The following POLR1C variants were observed in gnomAD, a reference collection of about 807,000 sequenced individuals.
POLR1C encodes DNA-directed RNA polymerases I and III subunit RPAC1.
Under a neutral mutation model 38.3 loss-of-function variants are expected in POLR1C, and 42 were observed. The ratio of observed to expected loss-of-function variants is 1.10; its 90% confidence interval spans 0.86 to 1.42. The LOEUF is 1.42. Ranked by LOEUF, POLR1C falls within the 40% of genes most tolerant of loss-of-function variation. The probability of loss-of-function intolerance (pLI) is 0.00; values close to 1 mark genes in which losing one functional copy is unlikely to be tolerated. For synonymous variants in POLR1C, 163 were observed against 163.9 expected (o/e 0.99, Z 0.04); for missense variants, 507 against 450.5 (o/e 1.13, Z -1.14).
chr6:43,523,643 C>T, downstream of POLR1C: 1 of 797,676 alleles, frequency 1.3e-6, no homozygotes, highest in East Asian at 2.6e-5. Context: ...CTATCTGGGA[C>T]ATCTAGACAG....
chr6:43,525,628 G>A (rs1793536629), downstream of POLR1C: 2 of 580,474 alleles, frequency 3.4e-6, no homozygotes, highest in East Asian at 5.8e-5. Context: ...CCTACTATGT[G>A]TTTTCCTGAG....
At chr6:43,528,999 T>C in intron 8 of POLR1C, 1 of 1,391,562 alleles carries the variant, frequency 7.2e-7, no homozygotes, top group Non-Finnish European at 9.9e-7. Context: ...GTTGCACCCC[T>C]GGGCAGAATC....
chr6:43,547,683 G>C (rs530127093), intron 9 of POLR1C: 1 of 1,613,958 alleles, frequency 6.2e-7, no homozygotes, highest in African/African-American at 1.3e-5. Context: ...CATACGCAAT[G>C]AAAGCATCAA....
chr6:43,520,360 T>TC lies in POLR1C; in HGVS notation c.588_589insC (p.Ile197HisfsTer13), dbSNP rs1793086564. The TC allele has an allele frequency of 6.2e-7, 1 of 1,613,718 alleles. No individual in the cohort carries two copies. Among genetic ancestry groups the TC allele is most frequent in the Non-Finnish European group, 8.5e-7 (1 of 1,180,040 alleles). Reference sequence around the variant, plus strand: ...GCACTATCCGACCAGTGCATGATGATATCCTCATCGCTCAGCTGCGGCCTG... The same window carrying TC: ...GCACTATCCGACCAGTGCATGATGATCATCCTCATCGCTCAGCTGCGGCCTG... On this transcript the variant is annotated frameshift_variant, in exon 6 of 9. Coordinates refer to ENST00000642195, the MANE Select transcript of POLR1C (RefSeq NM_203290.4). LOFTEE classifies it high-confidence loss of function.
chr6:43,523,641 G>A, downstream of POLR1C: 1 of 789,714 alleles, frequency 1.3e-6, no homozygotes, highest in Non-Finnish European at 2.3e-6. Context: ...AACTATCTGG[G>A]ACATCTAGAC....
rs2231756 is a variant in POLR1C, at chr6:43,517,106, G to A, written c.-4G>A. On this transcript the variant is annotated 5_prime_UTR_variant, in exon 1 of 9. Transcript: ENST00000642195. Reference sequence around the variant, plus strand: ...GAACCTCTAGTCTCGTGGAGAGATTGAAGATGGCGGCTTCTCAGGCGGTGG... The same window carrying A: ...GAACCTCTAGTCTCGTGGAGAGATTAAAGATGGCGGCTTCTCAGGCGGTGG... 5.4e-3 allele frequency: 8,770 copies of A among 1,614,146 alleles called. 31 individuals are homozygous for A. The highest frequency in any genetic ancestry group is 6.6e-3 in the Non-Finnish European group (7,802 of 1,179,962).
chr6:43,517,156 T>TG lies in POLR1C; in HGVS notation c.52dup (p.Glu18GlyfsTer11). The TG allele has an allele frequency of 6.2e-7, 1 of 1,614,066 alleles. No individual in the cohort carries two copies. The highest frequency in any genetic ancestry group is 1.1e-5 in the South Asian group (1 of 91,080). ...GAGGAAATGCGGAGCCGCGTGGTTC[T>TG]GGGGGAGTTTGGGGTTCGCAATGTA... On this transcript the variant is annotated frameshift_variant, in exon 1 of 9. Transcript: ENST00000642195. LOFTEE classifies it high-confidence loss of function.
chr6:43,538,711 C>A, intron 9 of POLR1C: 1 of 474,926 alleles, frequency 2.1e-6, no homozygotes, highest in Non-Finnish European at 3.6e-6. Context: ...CTGTTAATGT[C>A]TGGTTTTGGT....
At chr6:43,529,027 C>T in intron 8 of POLR1C, 3 of 1,205,346 alleles carry the variant, frequency 2.5e-6, no homozygotes, top group African/African-American at 1.5e-5. Context: ...AAAGGATTTG[C>T]CAGATGTCAA....
downstream of POLR1C, chr6:43,524,611 C>T: frequency 1.2e-6 from 2 of 1,613,974 alleles, no homozygotes; most frequent in Non-Finnish European, 1.7e-6. Flanking sequence ...TCCATTACAG[C>T]TCTTATCTCC....
chr6:43,530,604 T>A (rs1342377025), downstream of POLR1C: 7 of 1,489,634 alleles, frequency 4.7e-6, no homozygotes, highest in East Asian at 1.6e-4. Flanking sequence ...GTTCTGCCTC[T>A]TCCCTCTGGT....
intron 10 of POLR1C, chr6:43,560,437 T>A: frequency 8.7e-7 from 1 of 1,149,204 alleles, no homozygotes; most frequent in Non-Finnish European, 1.2e-6. Context: ...TCTACTGCAA[T>A]TTATCAGTAA....
intron 9 of POLR1C, among the ~76,000 whole-genome samples, chr6:43,537,817 A>G (rs1457138001): frequency 1.3e-5 from 2 of 152,184 alleles, no homozygotes; most frequent in Non-Finnish European, 2.9e-5. Context: ...CTGTAATCCC[A>G]GCACTTTGGG....
chr6:43,528,683 A>C, intron 8 of POLR1C: 1 of 740,844 alleles, frequency 1.3e-6, no homozygotes, highest in Admixed American at 2.5e-5. Context: ...TACAGCAAGG[A>C]TAGTCAGCTG....
At chr6:43,554,583 C>G (rs530857111) in intron 10 of POLR1C, among the ~76,000 whole-genome samples, 2 of 151,890 alleles carry the variant, frequency 1.3e-5, no homozygotes, top group East Asian at 3.9e-4. Context: ...CACCACCACG[C>G]CTGGCTAATT....
At chr6:43,523,909 C>G (rs1425780692), downstream of POLR1C, 1 of 1,613,910 alleles carries the variant, frequency 6.2e-7, no homozygotes, top group African/African-American at 1.3e-5. Context: ...CCATCATTGT[C>G]CAGCACCTCC....
chr6:43,546,096 TAA>T (rs1794951956), intron 9 of POLR1C, among the ~76,000 whole-genome samples: 1 of 152,194 alleles, frequency 6.6e-6, no homozygotes, highest in African/African-American at 2.4e-5. Flanking sequence ...GAAAAATTTA[TAA>T]TTCCTTTGTT....
chr6:43,533,118 G>C (rs1260352575), downstream of POLR1C, among the ~76,000 whole-genome samples: 3 of 152,040 alleles, frequency 2.0e-5, no homozygotes, highest in South Asian at 4.1e-4. Context: ...CTGGGTGACA[G>C]AGTGAGACTC....
chr6:43,555,511 C>T (rs1047557988), intron 10 of POLR1C: 1 of 193,366 alleles, frequency 5.2e-6, no homozygotes, highest in East Asian at 1.2e-4. Flanking sequence ...AAAGTTAGGT[C>T]TACGCATGAA....
Sources: gnomAD v4.1 joint callset for allele counts (sites outside exome capture counted in the v4.1 genomes callset) on GRCh38, gnomAD v4.1.1 for gene constraint, MANE v1.5 for transcripts, NCBI Gene and HGNC (gene_info 2026-07-23, HGNC 2026-07-21) for gene names.